Variants in DLG2 observed in about 807,000 individuals in gnomAD.
DLG2 encodes discs large MAGUK scaffold protein 2.
In DLG2, 45 loss-of-function variants were observed where a neutral mutation model predicts 132.5. The observed-to-expected ratio is 0.34, with a 90% CI of 0.27 to 0.44. The LOEUF is 0.44. Among genes scored for constraint, DLG2 ranks in the 20% least tolerant of loss-of-function variants. The pLI is 1.00. For missense variants in DLG2, 1,045 were observed against 1,196.9 expected (o/e 0.87, Z 1.87); for synonymous variants, 424 against 419.6 (o/e 1.01, Z -0.13).
chr11:85,615,851 C>G (rs750795181), intron 2 of DLG2, among the ~76,000 whole-genome samples: 57 of 152,154 alleles, frequency 3.7e-4, no homozygotes, highest in Non-Finnish European at 7.2e-4. Context: ...GACCACGAAG[C>G]TGAACCCAAA....
intron 6 of DLG2, among the ~76,000 whole-genome samples, chr11:85,085,289 T>C (rs2067772365): frequency 6.6e-6 from 1 of 152,118 alleles, no homozygotes; most frequent in Admixed American, 6.5e-5. Context: ...GCCTTTTTAG[T>C]TATGGGCTTC....
At chr11:85,067,006 G>T (rs1210950031) in intron 6 of DLG2, among the ~76,000 whole-genome samples, 1 of 151,702 alleles carries the variant, frequency 6.6e-6, no homozygotes, top group Non-Finnish European at 1.5e-5. Context: ...GTTCACTGAT[G>T]ATATGTGCCT....
chr11:84,498,786 G>A (rs182155198), intron 7 of DLG2, among the ~76,000 whole-genome samples: 263 of 152,114 alleles, frequency 1.7e-3, no homozygotes, highest in Middle Eastern at 3.4e-3. Flanking sequence ...CACATGTCAG[G>A]TATTATTTTC....
chr11:85,360,650 G>C (rs1389337288), intron 3 of DLG2, among the ~76,000 whole-genome samples: 4 of 152,062 alleles, frequency 2.6e-5, no homozygotes, highest in Non-Finnish European at 5.9e-5. Flanking sequence ...CACACAGGAG[G>C]CTCCTTCCAA....
At chr11:85,574,988 T>A (rs190585511) in intron 3 of DLG2, among the ~76,000 whole-genome samples, 1 of 152,162 alleles carries the variant, frequency 6.6e-6, no homozygotes, top group Non-Finnish European at 1.5e-5. Flanking sequence ...CCATAACTAT[T>A]TCTCACCTGG....
At chr11:85,342,908 G>A (rs2082593875) in intron 3 of DLG2, among the ~76,000 whole-genome samples, 1 of 152,110 alleles carries the variant, frequency 6.6e-6, no homozygotes, top group Non-Finnish European at 1.5e-5. Context: ...TATAATATAT[G>A]TAATATGTAG....
At chr11:84,311,759 C>T (rs146366890) in intron 7 of DLG2, among the ~76,000 whole-genome samples, 1 of 152,330 alleles carries the variant, frequency 6.6e-6, no homozygotes, top group Non-Finnish European at 1.5e-5. Flanking sequence ...GACCAGGCCC[C>T]ACCCTCCTCT....
intron 7 of DLG2, among the ~76,000 whole-genome samples, chr11:84,475,115 A>G (rs1268126634): frequency 6.6e-6 from 1 of 152,166 alleles, no homozygotes; most frequent in East Asian, 1.9e-4. Context: ...TTGAGCTCCA[A>G]CGAGTTGTAA....
At chr11:84,540,166 G>A (rs2099364736) in intron 6 of DLG2, among the ~76,000 whole-genome samples, 2 of 152,018 alleles carry the variant, frequency 1.3e-5, no homozygotes, top group Non-Finnish European at 2.9e-5. Context: ...ATAAGCAATG[G>A]CAACAAAAGC....
chr11:85,512,449 G>A (rs1448244825), intron 3 of DLG2, among the ~76,000 whole-genome samples: 6 of 152,052 alleles, frequency 3.9e-5, no homozygotes, highest in Admixed American at 3.3e-4. Context: ...ATAATTAAGT[G>A]CCTTTGGATA....
rs566967444 is a variant in DLG2 at position 84,929,561 on chromosome 11, CA to C, written c.357+182099del. Among the ~76,000 whole-genome samples the C allele has an allele frequency of 6.1e-3, 928 of 152,214 alleles. 9 individuals are homozygous for C. The highest frequency in any genetic ancestry group is 0.024 in the Middle Eastern group (7 of 294). ...GAATTGGCTACACAAAGCTTAAAAG[CA>C]GCACTGCTATCAGTGACACAATATT... is the stretch of plus-strand genomic sequence containing the variant. On this transcript the variant is annotated intron_variant, in intron 6 of 27. Coordinates refer to ENST00000376104, the MANE Select transcript of DLG2 (RefSeq NM_001142699.3).
chr11:85,464,166 T>C (rs1443425607), intron 3 of DLG2, among the ~76,000 whole-genome samples: 5 of 152,208 alleles, frequency 3.3e-5, no homozygotes, highest in Non-Finnish European at 7.3e-5. Context: ...TACATCATGG[T>C]GCAGAATCTT....
intron 3 of DLG2, among the ~76,000 whole-genome samples, chr11:85,543,943 T>C (rs745678534): frequency 6.6e-6 from 1 of 152,200 alleles, no homozygotes; most frequent in African/African-American, 2.4e-5. Context: ...GTAGGGTGCC[T>C]GTTCACTCTG....
chr11:84,320,786 G>GA (rs2098400220), intron 7 of DLG2, among the ~76,000 whole-genome samples: 2 of 152,324 alleles, frequency 1.3e-5, no homozygotes, highest in South Asian at 2.1e-4. Context: ...ATAGAAGGTA[G>GA]AAAAAACTTT....
chr11:84,836,435 A>G (rs1327495850), intron 6 of DLG2, among the ~76,000 whole-genome samples: 2 of 151,778 alleles, frequency 1.3e-5, no homozygotes, highest in Admixed American at 1.3e-4. Flanking sequence ...CTGGGTTCAG[A>G]AAAATTGATA....
At chr11:84,239,557 G>A (rs746433337) in intron 8 of DLG2, among the ~76,000 whole-genome samples, 7 of 151,990 alleles carry the variant, frequency 4.6e-5, no homozygotes, top group Non-Finnish European at 8.8e-5. Context: ...AAATAGAGAG[G>A]AATATGGTAA....
intron 15 of DLG2, among the ~76,000 whole-genome samples, chr11:83,922,250 C>T (rs1378359020): frequency 6.6e-6 from 1 of 152,034 alleles, no homozygotes; most frequent in African/African-American, 2.4e-5. Context: ...TATTTCTTTC[C>T]ATGTAAACCC....
chr11:84,874,877 C>T (rs1566230216), intron 6 of DLG2, among the ~76,000 whole-genome samples: 2 of 151,930 alleles, frequency 1.3e-5, no homozygotes, highest in Non-Finnish European at 2.9e-5. Flanking sequence ...AAAAACTAGC[C>T]ACACATGGTG....
intron 19 of DLG2, among the ~76,000 whole-genome samples, chr11:83,612,961 T>G (rs1016500357): frequency 1.3e-5 from 2 of 152,152 alleles, no homozygotes; most frequent in Non-Finnish European, 2.9e-5. Flanking sequence ...ATGGAGAAAC[T>G]CAAGGGTTAA....
Sources: allele counts gnomAD v4.1 joint callset (sites outside exome capture counted in the v4.1 genomes callset), GRCh38; gene constraint gnomAD v4.1.1; transcripts MANE v1.5; gene names NCBI Gene and HGNC (gene_info 2026-07-23, HGNC 2026-07-21).